OR5V1: variants seen among roughly 807,000 people sequenced by gnomAD.
The protein encoded by OR5V1 is olfactory receptor family 5 subfamily V member 1, also known as olfactory receptor 5V1.
For synonymous variants in OR5V1, 134 were observed against 143.2 expected (o/e 0.94, Z 0.46); for missense variants, 365 against 371.5 (o/e 0.98, Z 0.14).
intron 1 of OR5V1, among the ~76,000 whole-genome samples, chr6:29,357,419 G>C (rs1043352966): frequency 2.0e-5 from 3 of 152,144 alleles, no homozygotes; most frequent in Non-Finnish European, 2.9e-5. Flanking sequence ...TTTCAGTTGA[G>C]TGGCTAAAAA....
At position 29,357,220 on chromosome 6, in the gene OR5V1, G is replaced by A. The variant is rs1425428922; in HGVS notation, c.-82-943C>T. ...TAAGTGCTTCATATAGAAGGATGCT[G>A]ATAATCTCTGAGCACTTCCTACACA... is the stretch of plus-strand genomic sequence containing the variant. On this transcript the variant is annotated intron_variant, in intron 1 of 1. Transcript: ENST00000641768. Among the ~76,000 whole-genome samples, 7 of 152,252 alleles carry A rather than the reference G, an allele frequency of 4.6e-5. No individual in the cohort carries two copies. In the South Asian group the frequency reaches 1.4e-3, roughly 32 times the overall value.
rs775048969 is a variant in OR5V1 at position 29,355,892 on chromosome 6, A to C, written c.304T>G (p.Phe102Val). The part of the protein sequence containing the change: ...ISYVGCVVQL[F>V]AFVFFVGSEC... ...GATCCTACAAAGAAAACAAATGCAA[A>C]AAGTTGAACCACACACCCCACATAA... is the stretch of plus-strand genomic sequence containing the variant. Residue 102 changes from phenylalanine (F) to valine (V), a missense_variant, in exon 2 of 2, where the codon TTT becomes GTT. Coordinates refer to ENST00000641768, the MANE Select transcript of OR5V1 (RefSeq NM_030876.6). The C allele has an allele frequency of 6.2e-7, 1 of 1,614,048 alleles. No individual in the cohort carries two copies. The highest frequency in any genetic ancestry group is 1.1e-5 in the South Asian group (1 of 91,074).
chr6:29,357,601 A>G (rs1330508783), intron 1 of OR5V1, among the ~76,000 whole-genome samples: 1 of 152,144 alleles, frequency 6.6e-6, no homozygotes, highest in South Asian at 2.1e-4. Context: ...TTGATGGTTA[A>G]ATCCAATTGT....
In OR5V1 at chr6:29,356,045, T is replaced by C; in HGVS notation, c.151A>G (p.Thr51Ala). ...ATAGGTGTATGCAGGTGTGGATCAG[T>C]CACAGTCGTCAAGATAATTAATATA... Reference protein sequence around the residue: ...GNILIILTTVTDPHLHTPMYY... With the variant: ...GNILIILTTVADPHLHTPMYY... The change falls in exon 2 of 2, where the codon ACT becomes GCT. Residue 51 changes from threonine to alanine, a missense_variant. Coordinates refer to ENST00000641768, the MANE Select transcript of OR5V1 (RefSeq NM_030876.6). 6.2e-7 allele frequency: 1 copy of C among 1,613,996 alleles called. No homozygotes were observed. Among genetic ancestry groups the C allele is most frequent in the Non-Finnish European group, 8.5e-7 (1 of 1,179,924 alleles).
intron 1 of OR5V1, among the ~76,000 whole-genome samples, chr6:29,362,521 G>A (rs1012498389): frequency 5.3e-5 from 8 of 152,088 alleles, no homozygotes; most frequent in Non-Finnish European, 1.0e-4. Context: ...TTCTAAAATC[G>A]ACCACATAAT....
At position 29,364,797 on chromosome 6, in the gene OR5V1, CAAAAAAAAAA is replaced by C. The variant is rs9280595; in HGVS notation, c.-83+3825_-83+3834del. Among the ~76,000 whole-genome samples, 20 of 3,228 alleles carry C rather than the reference CAAAAAAAAAA, an allele frequency of 6.2e-3. 6 individuals are homozygous for C. The highest frequency in any genetic ancestry group is 0.5 in the Middle Eastern group (1 of 2). 2.1% of individuals were successfully genotyped at this position (3,228 alleles called of 152,430 possible). On this transcript the variant is annotated intron_variant, in intron 1 of 1. Coordinates refer to ENST00000641768, the MANE Select transcript of OR5V1 (RefSeq NM_030876.6). ...TGGGCGACAGAGCGAGACTCCGTCT[CAAAAAAAAAA>C]AAAAAAAAAAAAAAAAGAACAAAGC...
chr6:29,360,895 A>C (rs1316159525), intron 1 of OR5V1, among the ~76,000 whole-genome samples: 1 of 151,956 alleles, frequency 6.6e-6, no homozygotes, highest in East Asian at 1.9e-4. Flanking sequence ...AATGATTGCA[A>C]CTCCTCTCCA....
In OR5V1 at chr6:29,355,253, A is replaced by G; in HGVS notation, c.943T>C (p.Leu315=). The change falls in exon 2 of 2, where the codon TTG becomes CTG. Residue 315 remains leucine (L), a synonymous_variant. Coordinates refer to ENST00000641768, the MANE Select transcript of OR5V1 (RefSeq NM_030876.6). The stretch of plus-strand genomic sequence containing the variant: ...GTTCAATAAGTGAGTTTACTATCCA[A>G]AGAGGAAATTGGTGGCTGCCACTTG... ...GSKWQPPISS[L]DSKLTY 1.2e-6 allele frequency: 2 copies of G among 1,600,904 alleles called. No individual in the cohort carries two copies. The highest frequency in any genetic ancestry group is 1.7e-6 in the Non-Finnish European group (2 of 1,175,836).
Position 29,356,089 on chromosome 6 carries a change from A to C in OR5V1, c.107T>G (p.Phe36Cys). The C allele has an allele frequency of 6.2e-7, 1 of 1,613,982 alleles. No homozygotes were observed. Among genetic ancestry groups the C allele is most frequent in the Non-Finnish European group, 8.5e-7 (1 of 1,179,946 alleles). Residue 36 changes from phenylalanine to cysteine, a missense_variant, in exon 2 of 2, where the codon TTC (phenylalanine) becomes TGC (cysteine). Coordinates refer to ENST00000641768, the MANE Select transcript of OR5V1 (RefSeq NM_030876.6). ...LLFTIFFLTYFCTLGGNILII... is the reference protein window; with the variant it reads ...LLFTIFFLTYCCTLGGNILII... ...TAATATATTTCCTCCCAAAGTACAGAAATAAGTCAGAAAGAAGATGGTGAA... is the reference window on the plus strand; with the variant it reads ...TAATATATTTCCTCCCAAAGTACAGCAATAAGTCAGAAAGAAGATGGTGAA...
intron 1 of OR5V1, among the ~76,000 whole-genome samples, chr6:29,357,667 G>A (rs980323604): frequency 1.3e-5 from 2 of 152,148 alleles, no homozygotes; most frequent in South Asian, 2.1e-4. Context: ...AATTTCTAGT[G>A]TAGTTTTTTA....
chr6:29,364,797 C>CAAAAAAAAAAAAAAAAAAAAAAA (rs9280595), intron 1 of OR5V1, among the ~76,000 whole-genome samples: 1 of 3,228 alleles, frequency 3.1e-4, no homozygotes, highest in Non-Finnish European at 7.4e-4. Flanking sequence ...GACTCCGTCT[C>CAAAAAAAAAAAAAAAAAAAAAAA]AAAAAAAAAA....
At chr6:29,359,557 C>T (rs992856162) in intron 1 of OR5V1, among the ~76,000 whole-genome samples, 1 of 152,152 alleles carries the variant, frequency 6.6e-6, no homozygotes, top group Non-Finnish European at 1.5e-5. Context: ...CTCTGCAGCT[C>T]CCAGTGAGAC....
In OR5V1 at chr6:29,368,689, G is replaced by T. The variant is rs1021081517; in HGVS notation, c.-140C>A. Reference sequence around the variant, plus strand: ...TTCAGACTCTGAGAGACTGATATGGGGCTGTTTTTAAGAATACAACGAAGT... The same window carrying T: ...TTCAGACTCTGAGAGACTGATATGGTGCTGTTTTTAAGAATACAACGAAGT... On this transcript the variant is annotated 5_prime_UTR_variant, in exon 1 of 2. Transcript: ENST00000641768. 1 of 152,068 alleles carries T rather than the reference G, an allele frequency of 6.6e-6. No homozygotes were observed. Among genetic ancestry groups the T allele is most frequent in the Admixed American group, 6.6e-5 (1 of 15,252 alleles). The allele number at this position is 152,068 out of a possible 1,614,324, so 9.4% of individuals were successfully genotyped here.
chr6:29,356,358 A>G, intron 1 of OR5V1, 81 bp from the exon 2 acceptor site: 1 of 717,380 alleles, frequency 1.4e-6, no homozygotes, highest in Non-Finnish European at 2.2e-6. Flanking sequence ...TTCTTTTGCA[A>G]ACCATAGCTC....
rs772556388 is a variant in OR5V1 at position 29,355,754 on chromosome 6, A to G, written c.442T>C (p.Cys148Arg). 1.9e-6 allele frequency: 3 copies of G among 1,613,900 alleles called. No individual in the cohort carries two copies. In the South Asian group the frequency reaches 3.3e-5, roughly 18 times the overall value. ...KVLCNQLAAS[C>R]WAAGFLNSVV... The stretch of plus-strand genomic sequence containing the variant: ...GAGTTAAGGAAACCAGCAGCCCAGC[A>G]TGAGGCTGCTAATTGATTGCATAGA... Residue 148 changes from cysteine (C) to arginine (R), a missense_variant, in exon 2 of 2, where the codon TGC becomes CGC. Physicochemically the swap from Cys to Arg is radical, Grantham distance 180. Transcript: ENST00000641768.
At chr6:29,367,737 A>G (rs1186935301) in intron 1 of OR5V1, among the ~76,000 whole-genome samples, 2 of 152,198 alleles carry the variant, frequency 1.3e-5, no homozygotes, top group Non-Finnish European at 2.9e-5. Flanking sequence ...AAATTGTGCT[A>G]CATGGGTCAT....
At chr6:29,365,245 A>G (rs750635189) in intron 1 of OR5V1, among the ~76,000 whole-genome samples, 1 of 152,096 alleles carries the variant, frequency 6.6e-6, no homozygotes, top group Non-Finnish European at 1.5e-5. Flanking sequence ...ATGGGCAAAG[A>G]CTTCATGACT....
rs60544848 is a variant in OR5V1, at chr6:29,356,336, A to G, written c.-82-59T>C. On this transcript the variant is annotated intron_variant, in intron 1 of 1. Coordinates refer to ENST00000641768, the MANE Select transcript of OR5V1 (RefSeq NM_030876.6). ...AAGTAATCACCATTTATGTCAAACC[A>G]GAGAAGCAGCATTCTTTTGCAAACC... 6.2e-4 allele frequency: 593 copies of G among 957,320 alleles called. 3 individuals are homozygous for G. The East Asian group carries it at 0.01, about 16-fold the overall frequency. The allele number at this position is 957,320 out of a possible 1,614,324, so 59.3% of individuals were successfully genotyped here. A position where few individuals can be genotyped will look rare whatever the true frequency, so the allele number is the denominator to read the frequency against.
intron 1 of OR5V1, among the ~76,000 whole-genome samples, chr6:29,359,348 A>G (rs1330682211): frequency 6.6e-6 from 1 of 152,180 alleles, no homozygotes; most frequent in East Asian, 1.9e-4. Context: ...AAATTAAATA[A>G]TTTGCCTAAA....
Sources: gnomAD v4.1 joint callset for allele counts (sites outside exome capture counted in the v4.1 genomes callset) on GRCh38, gnomAD v4.1.1 for gene constraint, MANE v1.5 for transcripts, NCBI Gene and HGNC (gene_info 2026-07-23, HGNC 2026-07-21) for gene names.